CPT1A: variants seen among roughly 807,000 people sequenced by gnomAD.
CPT1A encodes the protein carnitine palmitoyltransferase 1A.
Under a neutral mutation model 100.8 loss-of-function variants are expected in CPT1A, and 64 were observed. The ratio of observed to expected loss-of-function variants is 0.63; its 90% CI spans 0.52 to 0.78. The LOEUF (loss-of-function observed/expected upper bound fraction) is 0.78, where lower values mean the gene tolerates loss of function less well. Ranked by LOEUF, CPT1A falls within the 30% of genes least tolerant of loss-of-function variation. CPT1A has a pLI of 0.00. For synonymous variants in CPT1A, 363 were observed against 396.0 expected (o/e 0.92, Z 0.99); for missense variants, 802 against 1,034.1 (o/e 0.78, Z 3.08).
chr11:68,814,304 T>C (rs909861483), intron 2 of CPT1A, among the ~76,000 whole-genome samples: 1 of 151,916 alleles, frequency 6.6e-6, no homozygotes, highest in Non-Finnish European at 1.5e-5. Context: ...GAGAGTTTCT[T>C]TTTTTTTGTT....
At chr11:68,836,338 G>A (rs1366631431) in intron 1 of CPT1A, among the ~76,000 whole-genome samples, 1 of 151,912 alleles carries the variant, frequency 6.6e-6, no homozygotes, top group Non-Finnish European at 1.5e-5. Context: ...TTAGCTAGGT[G>A]TGGTGGCATA....
At chr11:68,790,471 C>G (rs940381023) in intron 9 of CPT1A, among the ~76,000 whole-genome samples, 2 of 152,108 alleles carry the variant, frequency 1.3e-5, no homozygotes. Flanking sequence ...GTAAGAGAGA[C>G]ACACACACAC....
At chr11:68,783,423 C>G (rs950719457) in intron 10 of CPT1A, among the ~76,000 whole-genome samples, 2 of 152,130 alleles carry the variant, frequency 1.3e-5, no homozygotes, top group Non-Finnish European at 2.9e-5. Flanking sequence ...CTCTGCTACC[C>G]CGGGGCATGC....
chr11:68,766,986 T>C (rs1854825615), intron 14 of CPT1A, among the ~76,000 whole-genome samples: 1 of 152,190 alleles, frequency 6.6e-6, no homozygotes. Flanking sequence ...CTGTGGCGAC[T>C]ACTCCGCTCT....
intron 4 of CPT1A, among the ~76,000 whole-genome samples, chr11:68,804,894 C>A (rs1198468168): frequency 6.6e-6 from 1 of 152,224 alleles, no homozygotes; most frequent in Admixed American, 6.5e-5. Flanking sequence ...TGGTTTTAGG[C>A]TGGATGATCA....
Position 68,768,865 on chromosome 11 carries a change from T to C in CPT1A, c.1740+4400A>G, listed in dbSNP as rs373806450. Among the ~76,000 whole-genome samples the C allele has an allele frequency of 1.2e-4, 18 of 152,290 alleles. No homozygotes were observed. In the East Asian group the frequency reaches 2.1e-3, roughly 18 times the overall value. On this transcript the variant is annotated intron_variant, in intron 14 of 18. Transcript: ENST00000265641. The stretch of plus-strand genomic sequence containing the variant: ...CCAGTCCTGCCATGGGGCCCCTAAA[T>C]TTATTAAAACTATTCCCAGCTGCTC...
At position 68,793,319 on chromosome 11, in the gene CPT1A, C is replaced by T. The variant is rs2229737; in HGVS notation, c.963G>A (p.Glu321=). ...MFNTSRIPGE[E]TDTIQHMRDS... is the part of the protein sequence containing the mutation. ...CCCTGAAGAAGCTTGACTCACCTGT[C>T]TCCTCTCCTGGGATCCGGGAAGTAT... is the stretch of plus-strand genomic sequence containing the variant. Residue 321 remains glutamate (E), a synonymous_variant, in exon 9 of 19, where the codon GAG becomes GAA. Coordinates refer to ENST00000265641, the MANE Select transcript of CPT1A (RefSeq NM_001876.4). 0.097 allele frequency: 155,340 copies of T among 1,607,748 alleles called. 8,192 individuals are homozygous for T. The highest frequency in any genetic ancestry group is 0.1 in the Non-Finnish European group (122,080 of 1,176,452).
chr11:68,788,010 G>A (rs1408381928), intron 9 of CPT1A, among the ~76,000 whole-genome samples: 1 of 151,854 alleles, frequency 6.6e-6, no homozygotes, highest in East Asian at 1.9e-4. Flanking sequence ...AAGGACACAG[G>A]GAAGAGATGG....
At chr11:68,815,078 G>A (rs939745641) in intron 2 of CPT1A, among the ~76,000 whole-genome samples, 5 of 152,120 alleles carry the variant, frequency 3.3e-5, no homozygotes, top group African/African-American at 1.2e-4. Flanking sequence ...TATTAAGTAG[G>A]TCGCTGGCCC....
chr11:68,770,603 G>A lies in CPT1A; in HGVS notation c.1740+2662C>T, dbSNP rs116764956. The stretch of plus-strand genomic sequence containing the variant: ...CTCTTATCAGGAATGGATGTTAAAC[G>A]TGAAACGTCTTCTTAGGATCTGTGA... On this transcript the variant is annotated intron_variant, in intron 14 of 18. Transcript: ENST00000265641. 2.5e-3 allele frequency among the ~76,000 whole-genome samples: 379 copies of A among 152,306 alleles called. 1 individual carries two copies. Among genetic ancestry groups the A allele is most frequent in the African/African-American group, 8.3e-3 (347 of 41,560 alleles).
At position 68,757,249 on chromosome 11, in the gene CPT1A, T is replaced by C; in HGVS notation, c.*395A>G. 9.6e-7 allele frequency: 1 copy of C among 1,043,540 alleles called. No homozygotes were observed. The highest frequency in any genetic ancestry group is 1.2e-6 in the Non-Finnish European group (1 of 851,382). 64.6% of individuals were successfully genotyped at this position (1,043,540 alleles called of 1,614,324 possible). Reference sequence around the variant, plus strand: ...TAACAAAACAAAAGTTTACCCTGCTTGGATGATGCTAAATGCCCTTAAGCA... The same window carrying C: ...TAACAAAACAAAAGTTTACCCTGCTCGGATGATGCTAAATGCCCTTAAGCA... On this transcript the variant is annotated 3_prime_UTR_variant, in exon 19 of 19. Transcript: ENST00000265641.
intron 14 of CPT1A, among the ~76,000 whole-genome samples, chr11:68,765,862 T>A (rs1434650644): frequency 1.3e-5 from 2 of 149,498 alleles, no homozygotes; most frequent in East Asian, 3.9e-4. Context: ...AACAGAACAA[T>A]GCGGGAGGGG....
At position 68,761,603 on chromosome 11, in the gene CPT1A, C is replaced by T. The variant is rs1417413074; in HGVS notation, c.1960G>A (p.Asp654Asn). The change falls in exon 16 of 19, where the codon GAT (aspartate) becomes AAT (asparagine). Residue 654 changes from aspartate to asparagine, a missense_variant. Asp to Asn is a conservative substitution (Grantham distance 23). Transcript: ENST00000265641. ...ACGTAAAGGCAGAAGAGGTGACGAT[C>T]GATCCCAGAGCCGGTCATGGCGAGG... ...YRLAMTGSGI[D>N]RHLFCLYVVS... The T allele has an allele frequency of 3.1e-6, 5 of 1,614,074 alleles. No homozygotes were observed. Among genetic ancestry groups the T allele is most frequent in the Non-Finnish European group, 3.4e-6 (4 of 1,180,020 alleles).
intron 1 of CPT1A, among the ~76,000 whole-genome samples, chr11:68,836,499 G>T (rs1337042381): frequency 6.6e-6 from 1 of 152,036 alleles, no homozygotes; most frequent in African/African-American, 2.4e-5. Flanking sequence ...AACTCCTGGC[G>T]CAGTGGCTCA....
intron 14 of CPT1A, among the ~76,000 whole-genome samples, chr11:68,768,066 CTTTTTTTTTTTTTTT>C (rs71043448): frequency 2.8e-5 from 2 of 71,244 alleles, no homozygotes; most frequent in South Asian, 1.3e-3. Context: ...AGTTTCCAGT[CTTTTTTTTTTTTTTT>C]TTTTTTTTTT....
chr11:68,781,748 C>G (rs1305186310), intron 11 of CPT1A, 23 bp downstream of exon 11: 1 of 1,613,164 alleles, frequency 6.2e-7, no homozygotes, highest in South Asian at 1.1e-5. Context: ...AAACTCCTGT[C>G]TCTCAGAAGG....
chr11:68,817,326 C>A (rs1856455877), intron 1 of CPT1A, among the ~76,000 whole-genome samples: 1 of 152,100 alleles, frequency 6.6e-6, no homozygotes, highest in African/African-American at 2.4e-5. Context: ...CCTCCACCAG[C>A]CAAAACACAG....
Position 68,812,756 on chromosome 11 carries a change from C to T in CPT1A, c.142-180G>A, listed in dbSNP as rs528971079. 3.3e-5 allele frequency among the ~76,000 whole-genome samples: 5 copies of T among 152,280 alleles called. No homozygotes were observed. The South Asian group carries it at 6.2e-4, about 19-fold the overall frequency. On this transcript the variant is annotated intron_variant, in intron 2 of 18. Transcript: ENST00000265641. ...TGGGACTCTCCCCAGAGTTTACAGC[C>T]TGCAGTGATTCCAGTTTCCTCCCTT...
At chr11:68,842,968 C>G (rs1414645220), upstream of CPT1A, among the ~76,000 whole-genome samples, 1 of 152,238 alleles carries the variant, frequency 6.6e-6, no homozygotes, top group Non-Finnish European at 1.5e-5. Flanking sequence ...AACAAAGACT[C>G]TTTTAAACCT....
Sources: gnomAD v4.1 joint callset for allele counts (sites outside exome capture counted in the v4.1 genomes callset) on GRCh38, gnomAD v4.1.1 for gene constraint, MANE v1.5 for transcripts, NCBI Gene and HGNC (gene_info 2026-07-23, HGNC 2026-07-21) for gene names.